Variants in RASGRF2 observed in about 807,000 individuals in gnomAD.
The protein encoded by RASGRF2 is ras-specific guanine nucleotide-releasing factor 2.
A neutral mutation model predicts 151.0 loss-of-function variants in RASGRF2; 76 were observed. The ratio of observed to expected loss-of-function variants is 0.50; its 90% CI spans 0.42 to 0.61. The LOEUF is 0.61. Ranked by LOEUF, RASGRF2 falls within the 20% of genes least tolerant of loss-of-function variation. The probability of loss-of-function intolerance (pLI) is 0.00; values close to 1 mark genes in which losing one functional copy is unlikely to be tolerated. For missense variants in RASGRF2, 1,148 were observed against 1,564.6 expected, an observed-to-expected ratio of 0.73 and a Z score of 4.49; for synonymous variants, 504 against 566.5, an observed-to-expected ratio of 0.89 and a Z score of 1.57.
chr5:81,157,652 A>T (rs1191651209), intron 17 of RASGRF2, among the ~76,000 whole-genome samples: 1 of 152,224 alleles, frequency 6.6e-6, no homozygotes, highest in Non-Finnish European at 1.5e-5. Context: ...ATTGACTCAC[A>T]GTTCCACATG....
intron 19 of RASGRF2, among the ~76,000 whole-genome samples, 182 bp from the exon 20 acceptor site, chr5:81,206,663 C>T (rs1755514705): frequency 6.6e-6 from 1 of 152,190 alleles, no homozygotes; most frequent in Non-Finnish European, 1.5e-5. Context: ...TTCTCTCATG[C>T]CTTGAGCATG....
intron 22 of RASGRF2, among the ~76,000 whole-genome samples, chr5:81,209,827 G>T (rs1482702957): frequency 6.6e-6 from 1 of 152,140 alleles, no homozygotes; most frequent in Non-Finnish European, 1.5e-5. Context: ...CCTTTCATCT[G>T]CACCCCAGAG....
chr5:81,028,568 G>T (rs997914709), intron 1 of RASGRF2, among the ~76,000 whole-genome samples: 10 of 152,042 alleles, frequency 6.6e-5, no homozygotes, highest in African/African-American at 2.4e-4. Flanking sequence ...AAAAGGACAA[G>T]AAATTATAAA....
intron 7 of RASGRF2, among the ~76,000 whole-genome samples, chr5:81,082,190 T>C (rs929014797): frequency 6.6e-6 from 1 of 152,220 alleles, no homozygotes; most frequent in African/African-American, 2.4e-5. Flanking sequence ...CCCTGATGTC[T>C]TTCTTCGTGC....
intron 1 of RASGRF2, among the ~76,000 whole-genome samples, chr5:80,995,693 C>CCCCT (rs58481061): frequency 3.4e-4 from 33 of 97,334 alleles, no homozygotes; most frequent in South Asian, 4.4e-4. Context: ...TTCCCCCCCC[C>CCCCT]TTTTTTTTTT....
chr5:81,186,976 G>A (rs1196624585), intron 18 of RASGRF2, among the ~76,000 whole-genome samples: 1 of 152,144 alleles, frequency 6.6e-6, no homozygotes, highest in African/African-American at 2.4e-5. Flanking sequence ...TCTGTGGGAG[G>A]GTGAGGATTA....
At chr5:81,037,410 GC>G (rs1279459446) in intron 1 of RASGRF2, among the ~76,000 whole-genome samples, 3 of 152,246 alleles carry the variant, frequency 2.0e-5, no homozygotes, top group South Asian at 4.2e-4. Flanking sequence ...CAACTTCAAT[GC>G]TATCCTAATT....
intron 18 of RASGRF2, among the ~76,000 whole-genome samples, chr5:81,191,444 A>G (rs1206501961): frequency 2.0e-5 from 3 of 152,154 alleles, no homozygotes. Flanking sequence ...GGATCAGGGT[A>G]AAAAGAAAAG....
At chr5:81,029,142 G>C (rs1481847168) in intron 1 of RASGRF2, among the ~76,000 whole-genome samples, 1 of 152,190 alleles carries the variant, frequency 6.6e-6, no homozygotes, top group African/African-American at 2.4e-5. Flanking sequence ...GGTAAACAAA[G>C]TAGCTGGGAA....
intron 1 of RASGRF2, among the ~76,000 whole-genome samples, chr5:80,969,694 G>A (rs192580105): frequency 1.1e-3 from 171 of 150,738 alleles, no homozygotes; most frequent in East Asian, 4.9e-3. Context: ...CTCGTGATCC[G>A]CCCGTCTCGG....
intron 18 of RASGRF2, among the ~76,000 whole-genome samples, chr5:81,187,744 T>C (rs1271767345): frequency 6.6e-6 from 1 of 152,216 alleles, no homozygotes; most frequent in Non-Finnish European, 1.5e-5. Flanking sequence ...TGATGGCCTC[T>C]ACTTAGTGTG....
At chr5:81,152,486 C>A (rs548578364) in intron 17 of RASGRF2, among the ~76,000 whole-genome samples, 1 of 152,168 alleles carries the variant, frequency 6.6e-6, no homozygotes. Context: ...CCTTCAATAT[C>A]TGTAGGTTTT....
intron 1 of RASGRF2, among the ~76,000 whole-genome samples, chr5:80,991,417 T>C (rs1294275251): frequency 6.6e-6 from 1 of 152,106 alleles, no homozygotes; most frequent in Non-Finnish European, 1.5e-5. Flanking sequence ...AGATGAGACC[T>C]TGTCTTTCAA....
At chr5:81,203,250 G>T (rs1417687616) in intron 19 of RASGRF2, among the ~76,000 whole-genome samples, 1 of 152,202 alleles carries the variant, frequency 6.6e-6, no homozygotes, top group African/African-American at 2.4e-5. Context: ...GATTCAGGAA[G>T]TTTGTGCCCC....
At chr5:81,202,437 T>G (rs1336099801) in intron 19 of RASGRF2, among the ~76,000 whole-genome samples, 2 of 152,210 alleles carry the variant, frequency 1.3e-5, no homozygotes, top group Non-Finnish European at 2.9e-5. Context: ...TTTTTGCAAG[T>G]CCTTCCCTGA....
At chr5:80,982,441 T>C (rs1378139286) in intron 1 of RASGRF2, among the ~76,000 whole-genome samples, 1 of 89,836 alleles carries the variant, frequency 1.1e-5, no homozygotes, top group Non-Finnish European at 2.5e-5. Flanking sequence ...GTTTAACCTG[T>C]AGGAAGAAGG....
At chr5:81,189,869 A>T (rs2112692371) in intron 18 of RASGRF2, among the ~76,000 whole-genome samples, 1 of 151,916 alleles carries the variant, frequency 6.6e-6, no homozygotes, top group African/African-American at 2.4e-5. Flanking sequence ...GCGCCACCAC[A>T]CCAAGCTAAT....
At chr5:81,078,298 A>C (rs1400672346) in intron 5 of RASGRF2, among the ~76,000 whole-genome samples, 3 of 152,204 alleles carry the variant, frequency 2.0e-5, no homozygotes, top group African/African-American at 7.2e-5. Context: ...GTTATTGTTA[A>C]CTATAGCTGC....
chr5:81,178,708 AG>A (rs1379908975), intron 17 of RASGRF2, among the ~76,000 whole-genome samples: 1 of 151,950 alleles, frequency 6.6e-6, no homozygotes, highest in Admixed American at 6.5e-5. Context: ...TAGAGAGAAC[AG>A]GAAGTGAGGA....
Sources: gnomAD v4.1 joint callset for allele counts (sites outside exome capture counted in the v4.1 genomes callset) on GRCh38, gnomAD v4.1.1 for gene constraint, MANE v1.5 for transcripts, NCBI Gene and HGNC (gene_info 2026-07-23, HGNC 2026-07-21) for gene names.